TNFSF4: variants seen among roughly 807,000 people sequenced by gnomAD.
TNFSF4 encodes tumor necrosis factor ligand superfamily member 4.
Under a neutral mutation model 7.3 loss-of-function variants are expected in TNFSF4, and 4 were observed. The ratio of observed to expected loss-of-function variants is 0.55; its 90% CI spans 0.27 to 1.25. The LOEUF (loss-of-function observed/expected upper bound fraction) is 1.25. Among genes scored for constraint, TNFSF4 ranks in the 50% most tolerant of loss-of-function variants. The probability of loss-of-function intolerance (pLI) is 0.12; values close to 1 mark genes in which losing one functional copy is unlikely to be tolerated. For missense variants in TNFSF4, 181 were observed against 208.8 expected (o/e 0.87, Z 0.82); for synonymous variants, 76 against 83.7 (o/e 0.91, Z 0.50).
At chr1:173,265,311 G>A in the TNFSF4 span, among the ~76,000 whole-genome samples, 1 of 152,176 alleles carries the variant, frequency 6.6e-6, no homozygotes, top group African/African-American at 2.4e-5. Flanking sequence ...TGGAAGTTGA[G>A]GGTCTGGAAA....
chr1:173,256,392 CAG>C, the TNFSF4 span, among the ~76,000 whole-genome samples: 1 of 152,084 alleles, frequency 6.6e-6, no homozygotes, highest in Non-Finnish European at 1.5e-5. Context: ...TCTCACATGG[CAG>C]AGAGACAGCT....
At chr1:173,207,434 T>C (rs997411782), upstream of TNFSF4, 1 of 304,420 alleles carries the variant, frequency 3.3e-6, no homozygotes, top group Non-Finnish European at 6.0e-6. Context: ...CTTTCTTTCT[T>C]TTTTTTTTTC....
chr1:173,435,655 T>C, the TNFSF4 span, among the ~76,000 whole-genome samples: 1 of 152,240 alleles, frequency 6.6e-6, no homozygotes, highest in Non-Finnish European at 1.5e-5. Context: ...TATTTTGTTA[T>C]GGCAGCCCAA....
chr1:173,386,545 C>G, the TNFSF4 span, among the ~76,000 whole-genome samples: 1 of 152,166 alleles, frequency 6.6e-6, no homozygotes, highest in African/African-American at 2.4e-5. Context: ...GGGGCCACAG[C>G]AGACAGTCCC....
the TNFSF4 span, among the ~76,000 whole-genome samples, chr1:173,397,850 G>A: frequency 6.6e-6 from 1 of 152,312 alleles, no homozygotes; most frequent in Admixed American, 6.5e-5. Context: ...GGATGCAGGG[G>A]TAGTGGTACC....
At chr1:173,275,157 T>A in the TNFSF4 span, among the ~76,000 whole-genome samples, 1 of 152,044 alleles carries the variant, frequency 6.6e-6, no homozygotes, top group African/African-American at 2.4e-5. Flanking sequence ...AGCTCCGTGT[T>A]CTCTATATGT....
At chr1:173,207,733 A>C (rs969275025), upstream of TNFSF4, among the ~76,000 whole-genome samples, 2 of 152,184 alleles carry the variant, frequency 1.3e-5, no homozygotes, top group African/African-American at 4.8e-5. Flanking sequence ...TTCAGAAAGA[A>C]AGCACACACA....
the TNFSF4 span, among the ~76,000 whole-genome samples, chr1:173,334,925 T>C: frequency 6.6e-6 from 1 of 151,460 alleles, no homozygotes. Context: ...CAAGAGGAGG[T>C]GGTGTGCACT....
chr1:173,393,753 G>A, the TNFSF4 span, among the ~76,000 whole-genome samples: 3 of 152,186 alleles, frequency 2.0e-5, no homozygotes, highest in African/African-American at 7.2e-5. Context: ...CCTTCCTGTA[G>A]TGGTTCACTT....
the TNFSF4 span, among the ~76,000 whole-genome samples, chr1:173,176,165 A>G: frequency 1.3e-5 from 2 of 152,134 alleles, no homozygotes; most frequent in Non-Finnish European, 2.9e-5. Flanking sequence ...ATAATTTATG[A>G]AGCTTGCCTA....
chr1:173,336,231 C>G, the TNFSF4 span, among the ~76,000 whole-genome samples: 2 of 152,168 alleles, frequency 1.3e-5, no homozygotes, highest in East Asian at 3.8e-4. Flanking sequence ...TGAAGGATTG[C>G]AGAGATTACT....
At chr1:173,435,585 C>A in the TNFSF4 span, among the ~76,000 whole-genome samples, 1 of 152,196 alleles carries the variant, frequency 6.6e-6, no homozygotes, top group African/African-American at 2.4e-5. Flanking sequence ...AACCTGTCAG[C>A]ATCCAAACCT....
chr1:173,232,634 A>G, the TNFSF4 span, among the ~76,000 whole-genome samples: 3 of 152,074 alleles, frequency 2.0e-5, no homozygotes, highest in Non-Finnish European at 4.4e-5. Context: ...TTATTTTGAG[A>G]TACGTTCCAT....
the TNFSF4 span, among the ~76,000 whole-genome samples, chr1:173,270,956 T>A: frequency 6.6e-6 from 1 of 152,114 alleles, no homozygotes; most frequent in Non-Finnish European, 1.5e-5. Flanking sequence ...GAAAATGGAA[T>A]AAAAATATAA....
chr1:173,281,688 C>G, the TNFSF4 span, among the ~76,000 whole-genome samples: 1 of 152,110 alleles, frequency 6.6e-6, no homozygotes. Context: ...TCAAGGTTCT[C>G]CTCTGTGTTG....
At chr1:173,395,295 A>G in the TNFSF4 span, among the ~76,000 whole-genome samples, 3 of 148,410 alleles carry the variant, frequency 2.0e-5, no homozygotes, top group African/African-American at 7.4e-5. Flanking sequence ...TACTCTGGCA[A>G]TAGAGATACA....
chr1:173,361,477 T>G, the TNFSF4 span, among the ~76,000 whole-genome samples: 1 of 152,116 alleles, frequency 6.6e-6, no homozygotes, highest in Non-Finnish European at 1.5e-5. Flanking sequence ...CATGCACCTG[T>G]AATCCCAGCT....
chr1:173,214,283 C>G, the TNFSF4 span, among the ~76,000 whole-genome samples: 2 of 152,166 alleles, frequency 1.3e-5, no homozygotes, highest in African/African-American at 2.4e-5. Flanking sequence ...CATGGCAGAG[C>G]TGGTATCCGA....
the TNFSF4 span, among the ~76,000 whole-genome samples, chr1:173,227,831 G>T: frequency 0.097 from 14,703 of 152,304 alleles, 882 homozygotes; most frequent in Non-Finnish European, 0.14. Flanking sequence ...ACAGAGCCTT[G>T]CTAATTACTA....
Sources: allele counts gnomAD v4.1 joint callset (sites outside exome capture counted in the v4.1 genomes callset), GRCh38; gene constraint gnomAD v4.1.1; transcripts MANE v1.5; gene names NCBI Gene and HGNC (gene_info 2026-07-23, HGNC 2026-07-21).